The following CTNNA2 variants were observed in gnomAD, a reference collection of about 807,000 sequenced individuals.
CTNNA2 encodes the protein catenin alpha 2.
In CTNNA2, 42 loss-of-function variants were observed where a neutral mutation model predicts 101.0. That is an observed-to-expected ratio of 0.42 (90% confidence interval 0.32 to 0.54). The LOEUF is 0.54. Ranked by LOEUF, CTNNA2 falls within the 20% of genes least tolerant of loss-of-function variation. The probability of loss-of-function intolerance (pLI) is 0.14; values close to 1 mark genes in which losing one functional copy is unlikely to be tolerated. For synonymous variants in CTNNA2, 450 were observed against 456.4 expected (o/e 0.99, Z 0.18); for missense variants, 871 against 1,223.1 (o/e 0.71, Z 4.29).
intron 1 of CTNNA2, among the ~76,000 whole-genome samples, chr2:79,532,416 T>G (rs1054577128): frequency 2.0e-5 from 3 of 152,138 alleles, no homozygotes; most frequent in African/African-American, 7.2e-5. Context: ...ATTATAATTG[T>G]GCTATTTTGC....
At chr2:80,559,878 T>TATCTATCTATATA (rs1693393440) in intron 12 of CTNNA2, among the ~76,000 whole-genome samples, 2 of 113,934 alleles carry the variant, frequency 1.8e-5, no homozygotes, top group African/African-American at 6.1e-5. Flanking sequence ...GATATCATAT[T>TATCTATCTATATA]TATATATATA....
intron 7 of CTNNA2, among the ~76,000 whole-genome samples, chr2:80,389,747 C>T (rs1292161509): frequency 6.6e-6 from 1 of 152,152 alleles, no homozygotes; most frequent in Non-Finnish European, 1.5e-5. Flanking sequence ...ACTATCCCAT[C>T]CAGTGGCCCA....
At chr2:79,592,975 G>A (rs551114983) in intron 1 of CTNNA2, among the ~76,000 whole-genome samples, 2 of 152,282 alleles carry the variant, frequency 1.3e-5, no homozygotes, top group South Asian at 4.1e-4. Flanking sequence ...AGAACTATGT[G>A]GGGTATGGAG....
At chr2:79,927,200 A>G (rs1687078849) in intron 7 of CTNNA2, among the ~76,000 whole-genome samples, 1 of 152,202 alleles carries the variant, frequency 6.6e-6, no homozygotes, top group African/African-American at 2.4e-5. Context: ...ATTCTAAATT[A>G]AGAAATGCAT....
intron 3 of CTNNA2, chr2:79,776,910 G>T (rs1018488887): frequency 2.6e-5 from 4 of 152,294 alleles, no homozygotes; most frequent in Admixed American, 6.5e-5. Flanking sequence ...AGCATCTTCT[G>T]TGAGTAACCT....
intron 3 of CTNNA2, among the ~76,000 whole-genome samples, chr2:79,810,318 C>T (rs60201544): frequency 0.19 from 29,410 of 151,720 alleles, 3,370 homozygotes; most frequent in African/African-American, 0.32. Flanking sequence ...GAGAGCCAAG[C>T]GAAAGAGAAA....
At chr2:79,802,186 C>T (rs1296271907) in intron 3 of CTNNA2, among the ~76,000 whole-genome samples, 2 of 152,022 alleles carry the variant, frequency 1.3e-5, no homozygotes, top group Non-Finnish European at 2.9e-5. Flanking sequence ...AGAGGCTATG[C>T]TCTCCCTCAG....
chr2:79,533,824 C>G (rs1477596654), intron 1 of CTNNA2, among the ~76,000 whole-genome samples: 1 of 152,074 alleles, frequency 6.6e-6, no homozygotes, highest in South Asian at 2.1e-4. Context: ...GAGGAAACAA[C>G]AAAACACAAT....
At chr2:80,352,633 G>A (rs1026110262) in intron 7 of CTNNA2, among the ~76,000 whole-genome samples, 1 of 152,046 alleles carries the variant, frequency 6.6e-6, no homozygotes, top group African/African-American at 2.4e-5. Flanking sequence ...TGGTTGCTTG[G>A]TCCCCAAAAG....
At chr2:79,844,611 G>A (rs1005154493) in intron 3 of CTNNA2, among the ~76,000 whole-genome samples, 3 of 152,078 alleles carry the variant, frequency 2.0e-5, no homozygotes, top group Non-Finnish European at 2.9e-5. Flanking sequence ...GGTGTGGTAA[G>A]TTGGGGCCTC....
intron 7 of CTNNA2, among the ~76,000 whole-genome samples, chr2:80,148,476 G>A (rs1164949757): frequency 6.6e-6 from 1 of 152,198 alleles, no homozygotes; most frequent in Non-Finnish European, 1.5e-5. Context: ...AGGCCTGCAG[G>A]GGCAAACTGA....
intron 2 of CTNNA2, among the ~76,000 whole-genome samples, chr2:79,717,165 C>A (rs1397613395): frequency 2.6e-5 from 4 of 152,078 alleles, no homozygotes; most frequent in East Asian, 1.9e-4. Flanking sequence ...TGGTGTAAGA[C>A]TTTTGGCACT....
At chr2:79,860,637 A>C (rs1291222277) in intron 4 of CTNNA2, among the ~76,000 whole-genome samples, 1 of 149,052 alleles carries the variant, frequency 6.7e-6, no homozygotes, top group Admixed American at 6.9e-5. Flanking sequence ...TGTCAGTAGT[A>C]AAATTAAAAA....
At chr2:80,534,661 G>A (rs1048918478) in intron 9 of CTNNA2, among the ~76,000 whole-genome samples, 12 of 152,124 alleles carry the variant, frequency 7.9e-5, no homozygotes, top group Admixed American at 2.0e-4. Context: ...AAGGACATTC[G>A]GATGATATGT....
intron 3 of CTNNA2, among the ~76,000 whole-genome samples, chr2:79,372,862 C>T (rs933062199): frequency 1.3e-5 from 2 of 152,108 alleles, no homozygotes; most frequent in Non-Finnish European, 2.9e-5. Flanking sequence ...AAGGACCTAT[C>T]AGGAAAAAAG....
At chr2:80,362,085 A>G (rs1406382672) in intron 7 of CTNNA2, among the ~76,000 whole-genome samples, 1 of 152,038 alleles carries the variant, frequency 6.6e-6, no homozygotes, top group East Asian at 1.9e-4. Context: ...AGAAAAACAA[A>G]CTCTTATCTT....
chr2:79,358,166 T>C (rs1347104732), intron 3 of CTNNA2, among the ~76,000 whole-genome samples: 1 of 151,920 alleles, frequency 6.6e-6, no homozygotes, highest in Non-Finnish European at 1.5e-5. Context: ...TATTTAAGAC[T>C]CCAGCCTTGA....
At chr2:80,422,097 T>G (rs1680575574) in intron 9 of CTNNA2, among the ~76,000 whole-genome samples, 1 of 152,210 alleles carries the variant, frequency 6.6e-6, no homozygotes, top group African/African-American at 2.4e-5. Flanking sequence ...TATGCAAGAC[T>G]GGGTAATTTA....
chr2:79,628,217 C>T (rs767922106), intron 1 of CTNNA2, among the ~76,000 whole-genome samples: 14 of 152,052 alleles, frequency 9.2e-5, no homozygotes, highest in South Asian at 4.2e-4. Flanking sequence ...TTTGGGAGAC[C>T]GAGGTGGGCA....
Sources: gnomAD v4.1 joint callset for allele counts (sites outside exome capture counted in the v4.1 genomes callset) on GRCh38, gnomAD v4.1.1 for gene constraint, MANE v1.5 for transcripts, NCBI Gene and HGNC (gene_info 2026-07-23, HGNC 2026-07-21) for gene names.